Variants in SLC25A26 observed in about 807,000 individuals in gnomAD.
SLC25A26 encodes the protein solute carrier family 25 member 26.
In SLC25A26, 36 loss-of-function variants were observed where a neutral mutation model predicts 37.8. The observed-to-expected ratio is 0.95, with a 90% CI of 0.73 to 1.26. SLC25A26 has a LOEUF of 1.26. SLC25A26 is among the 50% of genes most tolerant of loss of function. The pLI, the probability that SLC25A26 is intolerant of heterozygous loss-of-function variation, is 0.00. For synonymous variants in SLC25A26, 129 were observed against 122.5 expected (o/e 1.05, Z -0.35); for missense variants, 390 against 331.1 (o/e 1.18, Z -1.38).
chr3:66,179,389 T>C (rs180795354), intron 1 of SLC25A26, among the ~76,000 whole-genome samples: 1 of 152,352 alleles, frequency 6.6e-6, no homozygotes, highest in East Asian at 1.9e-4. Flanking sequence ...AGAAGTCTCC[T>C]TGTTGACTAT....
At chr3:66,331,863 T>C (rs943308956) in intron 5 of SLC25A26, among the ~76,000 whole-genome samples, 2 of 152,160 alleles carry the variant, frequency 1.3e-5, no homozygotes, top group Non-Finnish European at 2.9e-5. Flanking sequence ...GTGATAACTT[T>C]GGAATATTTT....
chr3:66,280,455 A>C (rs533205076), intron 5 of SLC25A26, among the ~76,000 whole-genome samples: 187 of 152,280 alleles, frequency 1.2e-3, no homozygotes, highest in African/African-American at 4.3e-3. Context: ...TTATATGCTA[A>C]CAGACATTTC....
At chr3:66,265,727 ACTT>A (rs2073719511) in intron 5 of SLC25A26, among the ~76,000 whole-genome samples, 1 of 111,466 alleles carries the variant, frequency 9.0e-6, no homozygotes, top group Admixed American at 9.0e-5. Context: ...TCTTTGAAGA[ACTT>A]CTTTTTAAGG....
At chr3:66,164,489 A>G (rs2070399344) in intron 1 of SLC25A26, among the ~76,000 whole-genome samples, 1 of 152,078 alleles carries the variant, frequency 6.6e-6, no homozygotes, top group Admixed American at 6.6e-5. Context: ...GAAGCCCCCC[A>G]ATGCCCAATA....
At chr3:66,371,337 C>T (rs1312519467) in intron 9 of SLC25A26, 1 of 1,547,820 alleles carries the variant, frequency 6.5e-7, no homozygotes, top group Admixed American at 2.0e-5. Context: ...AGTTGGATCA[C>T]TTATGTGATT....
intron 1 of SLC25A26, among the ~76,000 whole-genome samples, chr3:66,179,513 G>C (rs2070655313): frequency 6.6e-6 from 1 of 152,212 alleles, no homozygotes; most frequent in South Asian, 2.1e-4. Context: ...GATTAGCACT[G>C]TGAGAGTAAA....
chr3:66,289,499 A>G (rs1559661115), intron 5 of SLC25A26, among the ~76,000 whole-genome samples: 1 of 152,190 alleles, frequency 6.6e-6, no homozygotes, highest in East Asian at 1.9e-4. Context: ...TAATTTTTGT[A>G]TAAAGAGTAA....
At chr3:66,184,589 T>TCACCTTGAGTTTACTATGTATTACATGCC (rs2070783655) in intron 1 of SLC25A26, among the ~76,000 whole-genome samples, 1 of 152,280 alleles carries the variant, frequency 6.6e-6, no homozygotes, top group African/African-American at 2.4e-5. Context: ...CTGACTCTGC[T>TCACCTTGAGTTTACTATGTATTACATGCC]CACCTTGAGT....
intron 3 of SLC25A26, among the ~76,000 whole-genome samples, chr3:66,256,961 T>G (rs932466620): frequency 6.6e-6 from 1 of 152,254 alleles, no homozygotes; most frequent in Non-Finnish European, 1.5e-5. Flanking sequence ...ATTATTTTTT[T>G]GCTGATTCAT....
At chr3:66,195,878 A>G (rs2071037488) in intron 1 of SLC25A26, among the ~76,000 whole-genome samples, 1 of 152,252 alleles carries the variant, frequency 6.6e-6, no homozygotes, top group East Asian at 1.9e-4. Flanking sequence ...AATTCTAATT[A>G]TTCACTTGGC....
chr3:66,342,730 C>T (rs1393994576), intron 5 of SLC25A26, among the ~76,000 whole-genome samples: 1 of 152,140 alleles, frequency 6.6e-6, no homozygotes, highest in Non-Finnish European at 1.5e-5. Context: ...TATTTCACCT[C>T]GAATCCTCAC....
chr3:66,371,400 AG>A, intron 9 of SLC25A26: 1 of 1,504,828 alleles, frequency 6.6e-7, no homozygotes, highest in Non-Finnish European at 8.9e-7. Flanking sequence ...GATGATCTGG[AG>A]GACATGAAGT....
At chr3:66,191,117 T>A (rs2070934158) in intron 1 of SLC25A26, among the ~76,000 whole-genome samples, 1 of 152,282 alleles carries the variant, frequency 6.6e-6, no homozygotes, top group Admixed American at 6.5e-5. Flanking sequence ...TGAGTATGTG[T>A]CATTCATTGC....
intron 3 of SLC25A26, among the ~76,000 whole-genome samples, chr3:66,257,726 C>T (rs534121401): frequency 1.3e-5 from 2 of 152,298 alleles, no homozygotes; most frequent in African/African-American, 4.8e-5. Context: ...CCACACTATT[C>T]CTTGACCCTG....
intron 5 of SLC25A26, among the ~76,000 whole-genome samples, chr3:66,292,502 A>G (rs1476856184): frequency 6.6e-6 from 1 of 152,088 alleles, no homozygotes; most frequent in Admixed American, 6.5e-5. Context: ...GGTGGTGACA[A>G]AGTCTCTCAG....
intron 5 of SLC25A26, among the ~76,000 whole-genome samples, chr3:66,285,028 T>C (rs1173685596): frequency 6.6e-6 from 1 of 152,168 alleles, no homozygotes; most frequent in African/African-American, 2.4e-5. Context: ...GTACCAACTC[T>C]GGGAAGAAGG....
At chr3:66,341,846 T>C (rs2076216973) in intron 5 of SLC25A26, among the ~76,000 whole-genome samples, 1 of 152,202 alleles carries the variant, frequency 6.6e-6, no homozygotes, top group Non-Finnish European at 1.5e-5. Flanking sequence ...AAAATCAGAA[T>C]GTATTTACTA....
chr3:66,167,831 C>G (rs1486093277), intron 1 of SLC25A26, among the ~76,000 whole-genome samples: 2 of 152,080 alleles, frequency 1.3e-5, no homozygotes, highest in African/African-American at 4.8e-5. Flanking sequence ...GGAAAGATCT[C>G]TGTGTTATTT....
intron 5 of SLC25A26, among the ~76,000 whole-genome samples, chr3:66,337,375 T>C (rs928002154): frequency 1.3e-5 from 2 of 152,054 alleles, no homozygotes; most frequent in African/African-American, 4.8e-5. Context: ...GTCCTACACA[T>C]TAGAAATGAT....
Sources: allele counts gnomAD v4.1 joint callset (sites outside exome capture counted in the v4.1 genomes callset), GRCh38; gene constraint gnomAD v4.1.1; transcripts MANE v1.5; gene names NCBI Gene and HGNC (gene_info 2026-07-23, HGNC 2026-07-21).